MYRIP: variants seen among roughly 807,000 people sequenced by gnomAD.
The protein encoded by MYRIP is rab effector MyRIP.
In MYRIP, 49 loss-of-function variants were observed where a neutral mutation model predicts 98.0. The observed-to-expected ratio is 0.50, with a 90% confidence interval of 0.40 to 0.63. The LOEUF is 0.63. Among genes scored for constraint, MYRIP ranks in the 30% least tolerant of loss-of-function variants. The pLI is 0.00. For synonymous variants in MYRIP, 404 were observed against 409.5 expected, an observed-to-expected ratio of 0.99 and a Z score of 0.16; for missense variants, 1,004 against 1,058.2, an observed-to-expected ratio of 0.95 and a Z score of 0.71.
At chr3:39,961,392 C>A (rs1043603019) in intron 2 of MYRIP, among the ~76,000 whole-genome samples, 3 of 152,098 alleles carry the variant, frequency 2.0e-5, no homozygotes, top group African/African-American at 7.2e-5. Context: ...AACCACAGTT[C>A]TGCTAGAATA....
intron 4 of MYRIP, among the ~76,000 whole-genome samples, chr3:40,154,134 G>A (rs1274587074): frequency 3.2e-5 from 4 of 126,340 alleles, no homozygotes; most frequent in Non-Finnish European, 7.5e-5. Context: ...GTGAGATTCC[G>A]TCTCAAAAAA....
intron 1 of MYRIP, among the ~76,000 whole-genome samples, chr3:39,860,157 A>G (rs1039139160): frequency 1.3e-5 from 2 of 152,352 alleles, no homozygotes; most frequent in African/African-American, 2.4e-5. Context: ...AAATAAATTC[A>G]ACTATACACT....
At chr3:40,211,926 C>T (rs1799427) in intron 11 of MYRIP, among the ~76,000 whole-genome samples, 68,853 of 151,188 alleles carry the variant, frequency 0.46, 16,615 homozygotes, top group Non-Finnish European at 0.55. Flanking sequence ...CCCATCCTGC[C>T]CCTGCCCTAA....
chr3:39,915,317 T>C (rs1944127516), intron 2 of MYRIP, among the ~76,000 whole-genome samples: 1 of 152,068 alleles, frequency 6.6e-6, no homozygotes. Flanking sequence ...CCAAAAGCTC[T>C]TCCATTGATT....
chr3:40,099,346 C>A (rs1460930466), intron 3 of MYRIP, among the ~76,000 whole-genome samples: 1 of 152,148 alleles, frequency 6.6e-6, no homozygotes, highest in Non-Finnish European at 1.5e-5. Context: ...CTATAATATG[C>A]AAAGCATTGT....
chr3:39,892,185 G>T (rs1171958105), intron 1 of MYRIP, among the ~76,000 whole-genome samples: 1 of 152,040 alleles, frequency 6.6e-6, no homozygotes, highest in Non-Finnish European at 1.5e-5. Flanking sequence ...ATAGGGTGAG[G>T]GTTTAGAATG....
intron 1 of MYRIP, among the ~76,000 whole-genome samples, chr3:39,847,632 C>T (rs1206745808): frequency 6.6e-5 from 10 of 152,138 alleles, no homozygotes; most frequent in Admixed American, 6.5e-4. Flanking sequence ...TTTTGATACC[C>T]ACAGAGATGA....
At chr3:40,151,700 G>C (rs1179649201) in intron 4 of MYRIP, among the ~76,000 whole-genome samples, 4 of 152,168 alleles carry the variant, frequency 2.6e-5, no homozygotes, top group Admixed American at 6.5e-5. Context: ...TTTTTATACA[G>C]TTAAGATAAC....
intron 1 of MYRIP, among the ~76,000 whole-genome samples, chr3:39,886,279 A>G (rs1316961239): frequency 6.6e-6 from 1 of 152,056 alleles, no homozygotes; most frequent in East Asian, 1.9e-4. Flanking sequence ...AACTGCATCA[A>G]CTAACGAGCA....
chr3:39,997,961 A>G (rs1184043943), intron 2 of MYRIP, among the ~76,000 whole-genome samples: 1 of 152,214 alleles, frequency 6.6e-6, no homozygotes, highest in Non-Finnish European at 1.5e-5. Flanking sequence ...AAATGCAGAA[A>G]AGGCCTTCAA....
intron 1 of MYRIP, among the ~76,000 whole-genome samples, chr3:39,842,581 C>G (rs1335218636): frequency 6.6e-6 from 1 of 152,146 alleles, no homozygotes; most frequent in Non-Finnish European, 1.5e-5. Context: ...ACCCAGGGCC[C>G]TGGTGGTATA....
At chr3:39,812,908 C>CT (rs1254869112) in intron 1 of MYRIP, among the ~76,000 whole-genome samples, 1 of 147,998 alleles carries the variant, frequency 6.8e-6, no homozygotes, top group African/African-American at 2.7e-5. Context: ...GTCCCTGCTA[C>CT]TAAATCCATG....
chr3:40,182,263 A>C lies in MYRIP; in HGVS notation c.917A>C (p.Lys306Thr). 1 of 1,613,864 alleles carries C rather than the reference A, an allele frequency of 6.2e-7. No homozygotes were observed. The highest frequency in any genetic ancestry group is 8.5e-7 in the Non-Finnish European group (1 of 1,179,894). ...TCAATCACTGGAGAAGAAGCCCTGA[A>C]GACCCCTCCAGTGGAGGCTCCATCG... ...AFSITGEEAL[K>T]TPPVEAPSRQ... is the part of the protein sequence containing the mutation. The change falls in exon 9 of 17, where the codon AAG (lysine) becomes ACG (threonine). Residue 306 changes from lysine (K) to threonine (T), a missense_variant. This residue lies in a region of MYRIP where 880 missense variants were observed against 907.7 expected (regional missense o/e 0.97). Transcript: ENST00000302541.
At chr3:40,048,523 A>G (rs1947718050) in intron 3 of MYRIP, among the ~76,000 whole-genome samples, 3 of 152,118 alleles carry the variant, frequency 2.0e-5, no homozygotes, top group African/African-American at 7.2e-5. Flanking sequence ...ACAGCTGTAA[A>G]TGAGAGAGTC....
intron 8 of MYRIP, chr3:40,173,021 A>G (rs948364796): frequency 1.3e-5 from 2 of 152,206 alleles, no homozygotes; most frequent in Non-Finnish European, 2.9e-5. Context: ...CAGTAACTAA[A>G]ATTCTCATGT....
chr3:39,837,412 C>G (rs992961281), intron 1 of MYRIP, among the ~76,000 whole-genome samples: 1 of 152,076 alleles, frequency 6.6e-6, no homozygotes, highest in Non-Finnish European at 1.5e-5. Flanking sequence ...AGGAAGGGGT[C>G]CAGTTTCAGT....
chr3:39,863,845 A>G (rs1170319666), intron 1 of MYRIP, among the ~76,000 whole-genome samples: 1 of 152,070 alleles, frequency 6.6e-6, no homozygotes, highest in African/African-American at 2.4e-5. Context: ...CACAACAACA[A>G]CAACAACAAA....
At chr3:40,232,264 CAT>C (rs765485584) in intron 11 of MYRIP, among the ~76,000 whole-genome samples, 1 of 152,210 alleles carries the variant, frequency 6.6e-6, no homozygotes, top group Non-Finnish European at 1.5e-5. Context: ...CCCTCTGGCA[CAT>C]GTGTCCTCAC....
chr3:40,213,705 T>C (rs141729407), intron 11 of MYRIP, among the ~76,000 whole-genome samples: 3 of 152,140 alleles, frequency 2.0e-5, no homozygotes, highest in South Asian at 2.1e-4. Context: ...GCCACCCTTG[T>C]TTCTTAACCA....
Sources: gnomAD v4.1 joint callset for allele counts (sites outside exome capture counted in the v4.1 genomes callset) on GRCh38, gnomAD v4.1.1 for gene constraint, gnomAD v4.1.1 regional missense constraint, MANE v1.5 for transcripts, NCBI Gene and HGNC (gene_info 2026-07-23, HGNC 2026-07-21) for gene names.